TSG101: variants seen among roughly 807,000 people sequenced by gnomAD.
TSG101 encodes the protein tumor susceptibility gene 101 protein.
Under a neutral mutation model 48.5 loss-of-function variants are expected in TSG101, and 19 were observed. That is an observed-to-expected ratio of 0.39 (90% CI 0.27 to 0.58). The LOEUF is 0.58. Among genes scored for constraint, TSG101 ranks in the 20% least tolerant of loss-of-function variants. The pLI, the probability that TSG101 is intolerant of heterozygous loss-of-function variation, is 0.55. For synonymous variants in TSG101, 174 were observed against 169.4 expected (o/e 1.03, Z -0.21); for missense variants, 365 against 484.4 (o/e 0.75, Z 2.31).
At chr11:18,484,186 A>G (rs1849587089) in intron 7 of TSG101, 114 bp from the exon 8 acceptor site, 1 of 1,004,150 alleles carries the variant, frequency 1.0e-6, no homozygotes, top group Non-Finnish European at 1.5e-6. Flanking sequence ...AAATGTGAGG[A>G]AAGAAAAAAA....
At position 18,509,543 on chromosome 11, in the gene TSG101, A is replaced by G. The variant is rs752769993; in HGVS notation, c.480T>C (p.Asn160=). ...YPPYQATGPP[N]TSYMPGMPGG... is the part of the protein sequence containing the mutation. ...AAGTAAAATCTCAATTCTACTTACTATTTGGTGGCCCCGTTGCCTGGTATG... is the reference window on the plus strand; with the variant it reads ...AAGTAAAATCTCAATTCTACTTACTGTTTGGTGGCCCCGTTGCCTGGTATG... Residue 160 remains asparagine, a splice_region_variant and synonymous_variant, in exon 5 of 10, where the codon AAT becomes AAC. Transcript: ENST00000251968. 4 of 1,612,590 alleles carry G rather than the reference A, an allele frequency of 2.5e-6. No individual in the cohort carries two copies. The highest frequency in any genetic ancestry group is 2.2e-5 in the East Asian group (1 of 44,888).
At position 18,523,461 on chromosome 11, in the gene TSG101, T is replaced by C. The variant is rs149852719; in HGVS notation, c.42+3314A>G. 3.9e-5 allele frequency among the ~76,000 whole-genome samples: 6 copies of C among 152,270 alleles called. No individual in the cohort carries two copies. In the East Asian group the frequency reaches 1.2e-3, roughly 29 times the overall value. ...TGTTCACTGTTGCATCCCTAGAACC[T>C]AAAACAGTGAGGGACATATCAATCT... is the stretch of plus-strand genomic sequence containing the variant. On this transcript the variant is annotated intron_variant, in intron 1 of 9. Transcript: ENST00000251968.
chr11:18,514,975 G>A, intron 3 of TSG101, 134 bp from the exon 4 acceptor site: 2 of 809,304 alleles, frequency 2.5e-6, no homozygotes. Flanking sequence ...ATTTCCCCCA[G>A]CAGAATTTAT....
At chr11:18,519,162 C>A (rs1850227776) in intron 2 of TSG101, among the ~76,000 whole-genome samples, 1 of 151,810 alleles carries the variant, frequency 6.6e-6, no homozygotes, top group Non-Finnish European at 1.5e-5. Flanking sequence ...ACAGGAGCAC[C>A]AGGCCAACTT....
At chr11:18,490,236 C>T (rs977304423) in intron 7 of TSG101, 6 of 516,012 alleles carry the variant, frequency 1.2e-5, no homozygotes, top group Non-Finnish European at 2.3e-5. Context: ...AGAAACATTA[C>T]TTCTCTCCCT....
chr11:18,487,224 G>A (rs898816107), intron 7 of TSG101, among the ~76,000 whole-genome samples: 1 of 150,526 alleles, frequency 6.6e-6, no homozygotes, highest in African/African-American at 2.4e-5. Context: ...TAACTAACCT[G>A]CATGTTATGC....
intron 1 of TSG101, among the ~76,000 whole-genome samples, chr11:18,520,254 C>T (rs888285401): frequency 1.3e-5 from 2 of 152,118 alleles, no homozygotes; most frequent in East Asian, 1.9e-4. Flanking sequence ...GACAGGGTCT[C>T]GCTCTGTCGC....
chr11:18,487,392 G>GA (rs1469192756), intron 7 of TSG101, among the ~76,000 whole-genome samples: 1 of 152,048 alleles, frequency 6.6e-6, no homozygotes. Flanking sequence ...GCAGGGAGGG[G>GA]AAAACTGATT....
In TSG101 at chr11:18,516,130, G is replaced by A. The variant is rs1447083644; in HGVS notation, c.162C>T (p.Asn54=). 1.1e-5 allele frequency: 18 copies of A among 1,613,826 alleles called. No individual in the cohort carries two copies. Among genetic ancestry groups the A allele is most frequent in the Non-Finnish European group, 1.4e-5 (17 of 1,179,982 alleles). The part of the protein sequence containing the change: ...FNDGSSRELM[N]LTGTIPVPYR... ...AAGGCACAGGGATTGTTCCAGTGAG[G>A]TTCATTAGTTCCCTGGAACTGCCAT... is the stretch of plus-strand genomic sequence containing the variant. The change falls in exon 3 of 10, where the codon AAC becomes AAT. Residue 54 remains asparagine (N), a synonymous_variant. Transcript: ENST00000251968.
intron 1 of TSG101, among the ~76,000 whole-genome samples, chr11:18,521,669 C>CTTTTTTTTTTTTTTT (rs1565096217): frequency 1.8e-5 from 2 of 111,440 alleles, no homozygotes. Flanking sequence ...CTGGCCCCTT[C>CTTTTTTTTTTTTTTT]CTTTTTTTTT....
chr11:18,484,206 C>A, intron 7 of TSG101, 134 bp from the exon 8 acceptor site: 2 of 784,056 alleles, frequency 2.6e-6, no homozygotes, highest in East Asian at 2.6e-5. Flanking sequence ...ATTATGTTAC[C>A]AGTTTCATGA....
rs537917105 is a variant in TSG101, at chr11:18,502,489, C to G, written c.637G>C (p.Val213Leu). The change falls in exon 7 of 10, where the codon GTT (valine) becomes CTT (leucine). Residue 213 changes from valine to leucine, a missense_variant. By Grantham distance (32) the Val-to-Leu change is conservative. Coordinates refer to ENST00000251968, the MANE Select transcript of TSG101 (RefSeq NM_006292.4). Reference sequence around the variant, plus strand: ...ACAAGTTTTCAAGGGTACTTACCAACAGTGGTCACAGGAGGCTGAGAAGGG... The same window carrying G: ...ACAAGTTTTCAAGGGTACTTACCAAGAGTGGTCACAGGAGGCTGAGAAGGG... Reference protein sequence around the residue: ...QYPSQPPVTTVGPSRDGTISE... With the variant: ...QYPSQPPVTTLGPSRDGTISE... 1.9e-6 allele frequency: 3 copies of G among 1,612,264 alleles called. No homozygotes were observed. The highest frequency in any genetic ancestry group is 2.7e-5 in the African/African-American group (2 of 74,894).
intron 7 of TSG101, among the ~76,000 whole-genome samples, chr11:18,484,281 A>G (rs574088604): frequency 6.6e-6 from 1 of 152,370 alleles, no homozygotes; most frequent in East Asian, 1.9e-4. Flanking sequence ...CTATTAATCC[A>G]TGTTAAACCC....
intron 7 of TSG101, among the ~76,000 whole-genome samples, chr11:18,500,942 T>G (rs555421966): frequency 6.6e-6 from 1 of 152,136 alleles, no homozygotes; most frequent in African/African-American, 2.4e-5. Flanking sequence ...TAGCTGGGAT[T>G]ACAGGGGTGT....
At chr11:18,522,083 T>A (rs1030870396) in intron 1 of TSG101, among the ~76,000 whole-genome samples, 3 of 152,192 alleles carry the variant, frequency 2.0e-5, no homozygotes, top group Non-Finnish European at 2.9e-5. Flanking sequence ...CGTTCTCTTA[T>A]CCTAACCAAT....
chr11:18,521,359 CTTTTT>C (rs917563952), intron 1 of TSG101, among the ~76,000 whole-genome samples: 2 of 99,794 alleles, frequency 2.0e-5, no homozygotes, highest in African/African-American at 3.5e-5. Context: ...AAACTGATTC[CTTTTT>C]TTTTTTTTTT....
chr11:18,502,527 G>C lies in TSG101; in HGVS notation c.599C>G (p.Thr200Arg). 6.2e-7 allele frequency: 1 copy of C among 1,613,380 alleles called. No homozygotes were observed. Among genetic ancestry groups the C allele is most frequent in the Non-Finnish European group, 8.5e-7 (1 of 1,179,704 alleles). The part of the protein sequence containing the change: ...YPPGGPYPAT[T>R]SSQYPSQPPV... ...AGGCTGAGAAGGGTACTGAGAACTTGTTGTGGCAGGATATGGACCACCAGG... is the reference window on the plus strand; with the variant it reads ...AGGCTGAGAAGGGTACTGAGAACTTCTTGTGGCAGGATATGGACCACCAGG... The change falls in exon 7 of 10, where the codon ACA (threonine) becomes AGA (arginine). Residue 200 changes from threonine (T) to arginine (R), a missense_variant. Coordinates refer to ENST00000251968, the MANE Select transcript of TSG101 (RefSeq NM_006292.4).
chr11:18,524,771 C>T (rs530341509), intron 1 of TSG101, among the ~76,000 whole-genome samples: 1 of 152,204 alleles, frequency 6.6e-6, no homozygotes, highest in Non-Finnish European at 1.5e-5. Flanking sequence ...TATAAAATAT[C>T]TTCTGAACAT....
intron 7 of TSG101, among the ~76,000 whole-genome samples, chr11:18,499,415 T>A (rs1363042222): frequency 3.2e-5 from 2 of 62,638 alleles, no homozygotes; most frequent in Non-Finnish European, 6.2e-5. Context: ...TTTTTTTTTT[T>A]TTTTTTTTTT....
Sources: allele counts gnomAD v4.1 joint callset (sites outside exome capture counted in the v4.1 genomes callset), GRCh38; gene constraint gnomAD v4.1.1; transcripts MANE v1.5; gene names NCBI Gene and HGNC (gene_info 2026-07-23, HGNC 2026-07-21).